Variants in SHROOM3 observed in about 807,000 individuals in gnomAD.
SHROOM3 encodes the protein protein Shroom3.
Under a neutral mutation model 138.6 loss-of-function variants are expected in SHROOM3, and 47 were observed. That is an observed-to-expected ratio of 0.34 (90% CI 0.27 to 0.43). The LOEUF is 0.43. SHROOM3 is among the 20% of genes least tolerant of loss of function. The pLI is 1.00. For synonymous variants in SHROOM3, 1,062 were observed against 1,063.3 expected, an observed-to-expected ratio of 1.00 and a Z score of 0.02; for missense variants, 2,491 against 2,596.5, an observed-to-expected ratio of 0.96 and a Z score of 0.88.
chr4:76,770,594 G>T, intron 9 of SHROOM3, 32 bp from the exon 10 acceptor site: 1 of 1,611,874 alleles, frequency 6.2e-7, no homozygotes. Context: ...CCTCCTGTTG[G>T]CTGATCTTTG....
intron 1 of SHROOM3, among the ~76,000 whole-genome samples, chr4:76,535,438 T>A (rs183057136): frequency 3.3e-5 from 5 of 152,296 alleles, no homozygotes; most frequent in Admixed American, 3.3e-4. Context: ...TTAGGATTAT[T>A]TGGATAAAAT....
chr4:76,527,801 G>A (rs1395718768), intron 1 of SHROOM3, among the ~76,000 whole-genome samples: 1 of 152,180 alleles, frequency 6.6e-6, no homozygotes, highest in East Asian at 1.9e-4. Flanking sequence ...AACTCGTGGA[G>A]ACTTGTTCTT....
intron 2 of SHROOM3, among the ~76,000 whole-genome samples, chr4:76,662,998 C>A (rs1718582203): frequency 6.6e-6 from 1 of 152,200 alleles, no homozygotes; most frequent in African/African-American, 2.4e-5. Context: ...AGAGCCATGT[C>A]TCTAGATTCC....
intron 1 of SHROOM3, among the ~76,000 whole-genome samples, chr4:76,450,098 T>TAG (rs1730896287): frequency 6.6e-6 from 1 of 152,200 alleles, no homozygotes; most frequent in African/African-American, 2.4e-5. Flanking sequence ...ATGCCTGCTC[T>TAG]AGCTCCAGGG....
chr4:76,679,763 C>T (rs1441415190), intron 2 of SHROOM3, among the ~76,000 whole-genome samples: 1 of 152,166 alleles, frequency 6.6e-6, no homozygotes, highest in Non-Finnish European at 1.5e-5. Flanking sequence ...CACATAACCA[C>T]CTCCCCACAC....
chr4:76,521,909 C>A (rs1456372573), intron 1 of SHROOM3, among the ~76,000 whole-genome samples: 28 of 152,118 alleles, frequency 1.8e-4, no homozygotes, highest in Admixed American at 1.8e-3. Context: ...TCATAATGTG[C>A]CTCCTGATAT....
At chr4:76,620,041 A>G (rs1398003277) in intron 2 of SHROOM3, among the ~76,000 whole-genome samples, 1 of 143,190 alleles carries the variant, frequency 7.0e-6, no homozygotes, top group African/African-American at 2.6e-5. Context: ...ACAGCACTCC[A>G]GCCTGGGCAA....
chr4:76,439,448 AG>A (rs1730624684), intron 1 of SHROOM3, among the ~76,000 whole-genome samples: 2 of 152,330 alleles, frequency 1.3e-5, no homozygotes, highest in Admixed American at 1.3e-4. Context: ...TAGGGGAGAC[AG>A]GGCATTATTT....
rs987351953 is a variant in SHROOM3 at position 76,783,216 on chromosome 4, GTTAAAT to G, written c.*4045_*4050del. 22 of 152,078 alleles carry G rather than the reference GTTAAAT, an allele frequency of 1.4e-4. No individual in the cohort carries two copies. The highest frequency in any genetic ancestry group is 1.1e-3 in the Admixed American group (17 of 15,268). 9.4% of individuals were successfully genotyped at this position (152,078 alleles called of 1,614,324 possible). A position where few individuals can be genotyped will look rare whatever the true frequency, so the allele number is the denominator to read the frequency against. ...AAAATTTAAATAAACAGAAATTGAA[GTTAAAT>G]TTAAAAATAAAAATAACCTCAGAAG... is the stretch of plus-strand genomic sequence containing the variant. On this transcript the variant is annotated 3_prime_UTR_variant, in exon 11 of 11. Transcript: ENST00000296043.
At chr4:76,576,444 A>G (rs1343516456) in intron 2 of SHROOM3, among the ~76,000 whole-genome samples, 3 of 152,172 alleles carry the variant, frequency 2.0e-5, no homozygotes, top group Non-Finnish European at 4.4e-5. Context: ...GGGATCTAAA[A>G]ATCAAAACAA....
intron 1 of SHROOM3, among the ~76,000 whole-genome samples, chr4:76,499,936 A>G (rs1732055143): frequency 2.6e-5 from 4 of 152,214 alleles, no homozygotes. Flanking sequence ...CACTTACGGA[A>G]TTCACTCATG....
chr4:76,770,511 G>T, intron 9 of SHROOM3, 115 bp from the exon 10 acceptor site: 1 of 1,238,814 alleles, frequency 8.1e-7, no homozygotes, highest in East Asian at 2.4e-5. Flanking sequence ...TATAGAGAAG[G>T]GGGAGGATAT....
rs151021596 is a variant in SHROOM3 at position 76,717,784 on chromosome 4, G to T, written c.455+7497G>T. 3.9e-3 allele frequency among the ~76,000 whole-genome samples: 592 copies of T among 152,202 alleles called. 1 individual carries two copies. The highest frequency in any genetic ancestry group is 0.014 in the Middle Eastern group (4 of 294). ...GTATATTCTAAATTTCAAAGAAAAG[G>T]TATAGTCTTCTTATTCAACTTTGAG... On this transcript the variant is annotated intron_variant, in intron 3 of 10. Transcript: ENST00000296043.
chr4:76,603,178 GA>G (rs1358377239), intron 2 of SHROOM3, among the ~76,000 whole-genome samples: 1 of 152,202 alleles, frequency 6.6e-6, no homozygotes, highest in East Asian at 1.9e-4. Flanking sequence ...CAGCACTTTG[GA>G]AGGCCGAGGA....
chr4:76,482,061 A>T (rs1240408284), intron 1 of SHROOM3, among the ~76,000 whole-genome samples: 1 of 152,216 alleles, frequency 6.6e-6, no homozygotes, highest in African/African-American at 2.4e-5. Flanking sequence ...CTGAATGGGC[A>T]AAAGCTGGAA....
chr4:76,653,164 A>T (rs1560580936), intron 2 of SHROOM3, among the ~76,000 whole-genome samples: 1 of 152,158 alleles, frequency 6.6e-6, no homozygotes, highest in East Asian at 1.9e-4. Flanking sequence ...ATCAAGTATG[A>T]TGATCATTTC....
intron 2 of SHROOM3, among the ~76,000 whole-genome samples, chr4:76,641,667 A>G (rs1043297832): frequency 2.6e-5 from 4 of 152,172 alleles, no homozygotes; most frequent in Non-Finnish European, 4.4e-5. Context: ...TCCTTCATTC[A>G]TCATCTCTTG....
At chr4:76,752,978 G>A (rs1353647486) in intron 6 of SHROOM3, among the ~76,000 whole-genome samples, 3 of 152,218 alleles carry the variant, frequency 2.0e-5, no homozygotes, top group Admixed American at 2.0e-4. Context: ...GTATGCTACA[G>A]TCTGGAGAGC....
At chr4:76,640,823 C>T (rs1306148922) in intron 2 of SHROOM3, among the ~76,000 whole-genome samples, 2 of 152,152 alleles carry the variant, frequency 1.3e-5, no homozygotes, top group South Asian at 4.1e-4. Flanking sequence ...GAATCTGCAG[C>T]TTAAAAAAGG....
Sources: allele counts gnomAD v4.1 joint callset (sites outside exome capture counted in the v4.1 genomes callset), GRCh38; gene constraint gnomAD v4.1.1; transcripts MANE v1.5; gene names NCBI Gene and HGNC (gene_info 2026-07-23, HGNC 2026-07-21).